ZBTB8A: variants seen among roughly 807,000 people sequenced by gnomAD.
ZBTB8A encodes the protein zinc finger and BTB domain-containing protein 8A.
ZBTB8A carries 19 observed loss-of-function variants against 37.8 expected under a neutral mutation model. That is an observed-to-expected ratio of 0.50 (90% CI 0.35 to 0.74). ZBTB8A has a LOEUF of 0.74. Ranked by LOEUF, ZBTB8A falls within the 30% of genes least tolerant of loss-of-function variation. The probability of loss-of-function intolerance (pLI) is 0.01; values close to 1 mark genes in which losing one functional copy is unlikely to be tolerated. For synonymous variants in ZBTB8A, 181 were observed against 185.2 expected, an observed-to-expected ratio of 0.98 and a Z score of 0.19; for missense variants, 394 against 537.8, an observed-to-expected ratio of 0.73 and a Z score of 2.65.
intron 2 of ZBTB8A, among the ~76,000 whole-genome samples, chr1:32,589,700 C>T (rs780976020): frequency 5.9e-5 from 9 of 151,888 alleles, no homozygotes; most frequent in Non-Finnish European, 1.0e-4. Flanking sequence ...CAGGTAGGCA[C>T]CGCCATGCCT....
At chr1:32,541,876 T>G (rs1029217438) in intron 1 of ZBTB8A, among the ~76,000 whole-genome samples, 4 of 152,196 alleles carry the variant, frequency 2.6e-5, no homozygotes, top group Non-Finnish European at 5.9e-5. Context: ...AACATGAATT[T>G]TGGAGGGGAC....
At chr1:32,547,429 C>T (rs1412920443) in intron 1 of ZBTB8A, among the ~76,000 whole-genome samples, 1 of 145,852 alleles carries the variant, frequency 6.9e-6, no homozygotes, top group Non-Finnish European at 1.5e-5. Flanking sequence ...GCATTGCTCA[C>T]TGCAGCCTCG....
At position 32,577,789 on chromosome 1, in the gene ZBTB8A, T is replaced by A. The variant is rs111903318; in HGVS notation, c.-1-15142T>A. Among the ~76,000 whole-genome samples, 204 of 151,684 alleles carry A rather than the reference T, an allele frequency of 1.3e-3. 2 individuals carry two copies. The highest frequency in any genetic ancestry group is 4.8e-3 in the African/African-American group (197 of 41,360). ...GTAGAGAGGGGGTTTCACCAAGTTG[T>A]CCAGACTGGTCTCAAACTCCTGGCC... is the stretch of plus-strand genomic sequence containing the variant. On this transcript the variant is annotated intron_variant, in intron 2 of 4. Coordinates refer to ENST00000373510, the MANE Select transcript of ZBTB8A (RefSeq NM_001040441.3).
At chr1:32,555,703 C>T (rs934930944) in intron 2 of ZBTB8A, among the ~76,000 whole-genome samples, 6 of 152,136 alleles carry the variant, frequency 3.9e-5, no homozygotes, top group Non-Finnish European at 5.9e-5. Flanking sequence ...TGCAGATTCT[C>T]TTACTCCTCT....
At chr1:32,543,707 C>T (rs112515903) in intron 1 of ZBTB8A, among the ~76,000 whole-genome samples, 12,147 of 152,016 alleles carry the variant, frequency 0.08, 511 homozygotes, top group African/African-American at 0.13. Flanking sequence ...GACAAAGTCT[C>T]GTTCTGTCAC....
chr1:32,582,998 G>C (rs1644419118), intron 2 of ZBTB8A, among the ~76,000 whole-genome samples: 1 of 152,086 alleles, frequency 6.6e-6, no homozygotes, highest in South Asian at 2.1e-4. Context: ...AACTCCTTGA[G>C]AACTAATTCA....
chr1:32,596,015 G>A (rs988599641), intron 4 of ZBTB8A, among the ~76,000 whole-genome samples: 6 of 151,706 alleles, frequency 4.0e-5, no homozygotes, highest in Non-Finnish European at 7.4e-5. Flanking sequence ...GCTCACACAC[G>A]TAATCCCAGC....
intron 1 of ZBTB8A, among the ~76,000 whole-genome samples, chr1:32,546,355 A>G (rs1235856866): frequency 6.6e-6 from 1 of 152,116 alleles, no homozygotes; most frequent in African/African-American, 2.4e-5. Flanking sequence ...GAGGCATGAG[A>G]ATCACTTGAA....
At position 32,600,432 on chromosome 1, in the gene ZBTB8A, C is replaced by A; in HGVS notation, c.*13C>A. 2 of 1,582,736 alleles carry A rather than the reference C, an allele frequency of 1.3e-6. No individual in the cohort carries two copies. Among genetic ancestry groups the A allele is most frequent in the Non-Finnish European group, 1.7e-6 (2 of 1,160,938 alleles). ...CAACATTAGGTAGCTGTAATGTGAA[C>A]CAACAGAGCTGGCATGTCTGCAATT... On this transcript the variant is annotated 3_prime_UTR_variant, in exon 5 of 5. Transcript: ENST00000373510.
At chr1:32,563,764 C>T (rs200349239) in intron 2 of ZBTB8A, among the ~76,000 whole-genome samples, 41 of 152,226 alleles carry the variant, frequency 2.7e-4, no homozygotes, top group African/African-American at 7.5e-4. Flanking sequence ...TAAGCCACCA[C>T]GCCCAGCCAC....
At chr1:32,580,675 T>C in intron 2 of ZBTB8A, among the ~76,000 whole-genome samples, 1 of 152,168 alleles carries the variant, frequency 6.6e-6, no homozygotes, top group East Asian at 1.9e-4. Context: ...AGTACCCACT[T>C]AACAACTGGA....
intron 4 of ZBTB8A, among the ~76,000 whole-genome samples, chr1:32,595,737 C>T (rs1325164384): frequency 6.6e-6 from 1 of 151,818 alleles, no homozygotes; most frequent in Non-Finnish European, 1.5e-5. Flanking sequence ...GCAGCCGCGA[C>T]TTCTCAGGCT....
At chr1:32,549,691 C>T (rs1644135703) in intron 1 of ZBTB8A, among the ~76,000 whole-genome samples, 1 of 152,118 alleles carries the variant, frequency 6.6e-6, no homozygotes, top group Non-Finnish European at 1.5e-5. Context: ...GAGTGCACCA[C>T]TGCACTTCAG....
At chr1:32,545,496 G>T (rs1248886156) in intron 1 of ZBTB8A, among the ~76,000 whole-genome samples, 1 of 152,144 alleles carries the variant, frequency 6.6e-6, no homozygotes, top group Non-Finnish European at 1.5e-5. Context: ...TTAGAGTTAA[G>T]TAACTTGACA....
rs539801115 is a variant in ZBTB8A, at chr1:32,567,365, G to T, written c.-2+13825G>T. 2.6e-5 allele frequency among the ~76,000 whole-genome samples: 4 copies of T among 152,278 alleles called. No homozygotes were observed. The South Asian group carries it at 8.3e-4, about 32-fold the overall frequency. ...GGATTACAATTCAACATGAGATTTG[G>T]GCGGGGGACACAAATCCAAACCATA... On this transcript the variant is annotated intron_variant, in intron 2 of 4. Coordinates refer to ENST00000373510, the MANE Select transcript of ZBTB8A (RefSeq NM_001040441.3).
intron 2 of ZBTB8A, among the ~76,000 whole-genome samples, chr1:32,571,258 A>T (rs566641031): frequency 1.3e-5 from 2 of 152,254 alleles, no homozygotes; most frequent in Non-Finnish European, 2.9e-5. Flanking sequence ...TTGAGAGCAC[A>T]AATCTTTGCC....
At chr1:32,579,840 T>G (rs1294370041) in intron 2 of ZBTB8A, among the ~76,000 whole-genome samples, 1 of 152,196 alleles carries the variant, frequency 6.6e-6, no homozygotes, top group African/African-American at 2.4e-5. Context: ...CTAGTACCAG[T>G]TACTCCAACA....
intron 2 of ZBTB8A, among the ~76,000 whole-genome samples, chr1:32,579,450 C>CA (rs112657461): frequency 4.1e-3 from 469 of 115,422 alleles, no homozygotes; most frequent in South Asian, 0.015. Flanking sequence ...GATTCCATCT[C>CA]AAAAAAAAAA....
intron 1 of ZBTB8A, among the ~76,000 whole-genome samples, chr1:32,540,809 C>T (rs144121389): frequency 1.2e-4 from 18 of 152,278 alleles, no homozygotes; most frequent in African/African-American, 4.3e-4. Flanking sequence ...GTCTTTATTC[C>T]TGGGAACCTC....
Sources: gnomAD v4.1 joint callset for allele counts (sites outside exome capture counted in the v4.1 genomes callset) on GRCh38, gnomAD v4.1.1 for gene constraint, MANE v1.5 for transcripts, NCBI Gene and HGNC (gene_info 2026-07-23, HGNC 2026-07-21) for gene names.